The following SLC12A8 variants were observed in gnomAD, a reference collection of about 807,000 sequenced individuals.
SLC12A8 encodes the protein solute carrier family 12 member 8, also known as cation-chloride cotransporter 9.
A neutral mutation model predicts 75.6 loss-of-function variants in SLC12A8; 69 were observed. The ratio of observed to expected loss-of-function variants is 0.91; its 90% CI spans 0.75 to 1.11. The LOEUF is 1.11. Ranked by LOEUF, SLC12A8 falls within the 50% of genes most tolerant of loss-of-function variation. The probability of loss-of-function intolerance (pLI) is 0.00; values close to 1 mark genes in which losing one functional copy is unlikely to be tolerated. For missense variants in SLC12A8, 877 were observed against 896.7 expected, an observed-to-expected ratio of 0.98 and a Z score of 0.28; for synonymous variants, 365 against 372.8, an observed-to-expected ratio of 0.98 and a Z score of 0.24.
intron 2 of SLC12A8, among the ~76,000 whole-genome samples, chr3:125,193,431 C>T (rs1167716495): frequency 3.3e-5 from 5 of 152,210 alleles, no homozygotes; most frequent in Non-Finnish European, 5.9e-5. Context: ...TGTCCAGGCT[C>T]GCCACATTTG....
At chr3:125,185,108 G>A (rs963387191) in intron 4 of SLC12A8, among the ~76,000 whole-genome samples, 2 of 152,138 alleles carry the variant, frequency 1.3e-5, no homozygotes, top group Non-Finnish European at 2.9e-5. Flanking sequence ...ATCACCTCAG[G>A]TCGGGAGTTC....
At chr3:125,133,579 C>T (rs1044784182) in intron 6 of SLC12A8, among the ~76,000 whole-genome samples, 1 of 152,128 alleles carries the variant, frequency 6.6e-6, no homozygotes, top group Non-Finnish European at 1.5e-5. Flanking sequence ...GTGCATGCCA[C>T]CACGCCCAGC....
At chr3:125,187,878 G>T (rs1388678367) in intron 3 of SLC12A8, among the ~76,000 whole-genome samples, 5 of 151,996 alleles carry the variant, frequency 3.3e-5, no homozygotes, top group Admixed American at 6.6e-5. Flanking sequence ...TCACCAGGAA[G>T]CTGGCCCTGT....
chr3:125,094,121 T>C (rs1938653443), intron 10 of SLC12A8, among the ~76,000 whole-genome samples: 1 of 152,182 alleles, frequency 6.6e-6, no homozygotes, highest in Non-Finnish European at 1.5e-5. Context: ...ACCTTACACT[T>C]CCTAAATCAT....
At chr3:125,195,538 A>C (rs938841951) in intron 2 of SLC12A8, among the ~76,000 whole-genome samples, 1 of 151,526 alleles carries the variant, frequency 6.6e-6, no homozygotes, top group Non-Finnish European at 1.5e-5. Flanking sequence ...CTTCTACCAC[A>C]GAGCTGGTAT....
rs551988939 is a variant in SLC12A8 at position 125,164,153 on chromosome 3, C to T, written c.622+13590G>A. Among the ~76,000 whole-genome samples the T allele has an allele frequency of 1.2e-3, 177 of 152,244 alleles. 2 individuals carry two copies. Among genetic ancestry groups the T allele is most frequent in the South Asian group, 6.4e-3 (31 of 4,820 alleles). On this transcript the variant is annotated intron_variant, in intron 5 of 13. Coordinates refer to ENST00000469902, the MANE Select transcript of SLC12A8 (RefSeq NM_024628.6). ...GGCAGGTTCTCAGACCCCCTTGATC[C>T]GAAAGGAGAAAGGAAGCAGTAAGGA...
At chr3:125,184,783 A>G (rs1397139872) in intron 4 of SLC12A8, among the ~76,000 whole-genome samples, 1 of 151,836 alleles carries the variant, frequency 6.6e-6, no homozygotes, top group African/African-American at 2.4e-5. Flanking sequence ...GAAGGAATCA[A>G]TAAAGGTCAG....
chr3:125,116,741 G>T (rs1939320909), intron 8 of SLC12A8, among the ~76,000 whole-genome samples: 1 of 152,210 alleles, frequency 6.6e-6, no homozygotes, highest in African/African-American at 2.4e-5. Flanking sequence ...CTCTGTGAAG[G>T]AAAGCATGAG....
intron 2 of SLC12A8, among the ~76,000 whole-genome samples, chr3:125,207,141 C>T (rs1251617884): frequency 1.3e-5 from 2 of 152,206 alleles, no homozygotes; most frequent in African/African-American, 2.4e-5. Context: ...ACTCCTCCTC[C>T]TGTGCTTGGG....
chr3:125,106,348 T>G (rs2107740973), intron 10 of SLC12A8, among the ~76,000 whole-genome samples: 1 of 147,200 alleles, frequency 6.8e-6, no homozygotes, highest in African/African-American at 2.5e-5. Flanking sequence ...ACTAGGTTTT[T>G]GGGGTTTTTT....
chr3:125,191,969 G>A (rs954444031), intron 2 of SLC12A8, among the ~76,000 whole-genome samples: 3 of 152,126 alleles, frequency 2.0e-5, no homozygotes, highest in Non-Finnish European at 4.4e-5. Flanking sequence ...AACAGTCCTC[G>A]TGGTTCGGAA....
chr3:125,085,157 A>G (rs1938426308), intron 13 of SLC12A8, among the ~76,000 whole-genome samples: 1 of 152,244 alleles, frequency 6.6e-6, no homozygotes, highest in Non-Finnish European at 1.5e-5. Context: ...TAACTTCTAT[A>G]AAGGCTGAAT....
chr3:125,185,315 C>G (rs1481694110), intron 4 of SLC12A8, among the ~76,000 whole-genome samples: 1 of 148,594 alleles, frequency 6.7e-6, no homozygotes, highest in South Asian at 2.1e-4. Flanking sequence ...AGCAAAACGG[C>G]GTCTCAAAAA....
At chr3:125,111,860 C>G (rs1939196230) in intron 8 of SLC12A8, among the ~76,000 whole-genome samples, 1 of 152,264 alleles carries the variant, frequency 6.6e-6, no homozygotes, top group African/African-American at 2.4e-5. Flanking sequence ...CATCAGGAGG[C>G]TAAAGGATGA....
intron 4 of SLC12A8, among the ~76,000 whole-genome samples, chr3:125,181,327 C>T (rs1023454209): frequency 6.6e-6 from 1 of 152,010 alleles, no homozygotes; most frequent in Admixed American, 6.5e-5. Context: ...ATAGGCCAGG[C>T]GCGGTGGCTC....
chr3:125,111,500 C>T (rs79128760), intron 8 of SLC12A8, among the ~76,000 whole-genome samples: 2,796 of 152,302 alleles, frequency 0.018, 37 homozygotes, highest in Non-Finnish European at 0.029. Flanking sequence ...ATTTGAGGTG[C>T]CCTTTCCATT....
chr3:125,128,416 G>A (rs1203441560), intron 6 of SLC12A8, among the ~76,000 whole-genome samples: 2 of 144,570 alleles, frequency 1.4e-5, no homozygotes, highest in African/African-American at 2.6e-5. Context: ...TCCTGACCTC[G>A]TGATCCGCCC....
chr3:125,128,181 T>TA (rs1347254431), intron 6 of SLC12A8, among the ~76,000 whole-genome samples: 3 of 112,322 alleles, frequency 2.7e-5, no homozygotes, highest in East Asian at 2.2e-4. Flanking sequence ...AAGCTTATTT[T>TA]TATTTTTTTT....
At chr3:125,096,480 C>T (rs1418053674) in intron 10 of SLC12A8, among the ~76,000 whole-genome samples, 2 of 152,064 alleles carry the variant, frequency 1.3e-5, no homozygotes, top group South Asian at 2.1e-4. Flanking sequence ...CTGGAATGTA[C>T]GAGGTATTCC....
Sources: gnomAD v4.1 joint callset for allele counts (sites outside exome capture counted in the v4.1 genomes callset) on GRCh38, gnomAD v4.1.1 for gene constraint, MANE v1.5 for transcripts, NCBI Gene and HGNC (gene_info 2026-07-23, HGNC 2026-07-21) for gene names.